Variants in GOLPH3 observed in about 807,000 individuals in gnomAD.
The protein encoded by GOLPH3 is coat protein GPP34.
In GOLPH3, 14 loss-of-function variants were observed where a neutral mutation model predicts 28.5. That is an observed-to-expected ratio of 0.49 (90% CI 0.32 to 0.77). The LOEUF is 0.77. Ranked by LOEUF, GOLPH3 falls within the 30% of genes least tolerant of loss-of-function variation. The pLI is 0.03. For missense variants in GOLPH3, 350 were observed against 393.7 expected (o/e 0.89, Z 0.94); for synonymous variants, 158 against 159.2 (o/e 0.99, Z 0.06).
chr5:32,145,919 G>A (rs2111861215), intron 1 of GOLPH3, among the ~76,000 whole-genome samples: 1 of 152,230 alleles, frequency 6.6e-6, no homozygotes, highest in East Asian at 1.9e-4. Context: ...AGCCAACAAA[G>A]ACACACCAAA....
chr5:32,151,029 C>G (rs1746293139), intron 1 of GOLPH3, among the ~76,000 whole-genome samples: 1 of 151,930 alleles, frequency 6.6e-6, no homozygotes, highest in African/African-American at 2.4e-5. Flanking sequence ...TACTAGAAGA[C>G]AAAATAAGAG....
chr5:32,135,200 T>A (rs1284449728), intron 3 of GOLPH3, among the ~76,000 whole-genome samples: 5 of 152,184 alleles, frequency 3.3e-5, no homozygotes, highest in African/African-American at 1.2e-4. Context: ...AGAGTGAGGA[T>A]GAGGTAGCCT....
At chr5:32,127,137 G>A (rs1323991001) in intron 3 of GOLPH3, among the ~76,000 whole-genome samples, 1 of 152,124 alleles carries the variant, frequency 6.6e-6, no homozygotes, top group Non-Finnish European at 1.5e-5. Context: ...GCTAATTCTG[G>A]AAGGATACAA....
At chr5:32,170,518 T>C (rs1285877776) in intron 1 of GOLPH3, among the ~76,000 whole-genome samples, 1 of 152,224 alleles carries the variant, frequency 6.6e-6, no homozygotes, top group Non-Finnish European at 1.5e-5. Context: ...TGAGTTAGCA[T>C]AAACGCCTGG....
intron 1 of GOLPH3, among the ~76,000 whole-genome samples, chr5:32,157,999 AAATAAATAAAT>A (rs1746469901): frequency 1.0e-5 from 1 of 97,970 alleles, no homozygotes; most frequent in African/African-American, 4.2e-5. Context: ...ATAAATAAAT[AAATAAATAAAT>A]AAATAAATAA....
chr5:32,173,853 G>A lies in GOLPH3; in HGVS notation c.182C>T (p.Thr61Ile), dbSNP rs1025210577. The change falls in exon 1 of 4, where the codon ACC becomes ATC. Residue 61 changes from threonine (T) to isoleucine (I), a missense_variant. Thr to Ile is a moderately conservative substitution (Grantham distance 89). Coordinates refer to ENST00000265070, the MANE Select transcript of GOLPH3 (RefSeq NM_022130.4). ...DKGDSKETRLTLMEEVLLLGL... is the reference protein window; with the variant it reads ...DKGDSKETRLILMEEVLLLGL... ...CAGCAGGAGCACTTCCTCCATCAGG[G>A]TCAGCCGCGTTTCCTTGGAGTCGCC... is the stretch of plus-strand genomic sequence containing the variant. 3 of 1,523,936 alleles carry A rather than the reference G, an allele frequency of 2.0e-6. No individual in the cohort carries two copies. The highest frequency in any genetic ancestry group is 5.5e-5 in the East Asian group (2 of 36,672). The allele number at this position is 1,523,936 out of a possible 1,614,324, so 94.4% of individuals were successfully genotyped here. A position where few individuals can be genotyped will look rare whatever the true frequency, so the allele number is the denominator to read the frequency against.
intron 2 of GOLPH3, among the ~76,000 whole-genome samples, chr5:32,142,445 C>T (rs1405712231): frequency 2.0e-5 from 3 of 150,194 alleles, no homozygotes; most frequent in Non-Finnish European, 4.5e-5. Flanking sequence ...CGTCTCCGCC[C>T]GGCAGCCACC....
At chr5:32,156,399 A>G (rs575711449) in intron 1 of GOLPH3, among the ~76,000 whole-genome samples, 3 of 152,096 alleles carry the variant, frequency 2.0e-5, no homozygotes, top group African/African-American at 7.2e-5. Context: ...GCTACTTGGG[A>G]GGCTGAGGCA....
At chr5:32,147,770 C>T (rs1307957293) in intron 1 of GOLPH3, among the ~76,000 whole-genome samples, 2 of 152,218 alleles carry the variant, frequency 1.3e-5, no homozygotes, top group East Asian at 1.9e-4. Context: ...GAACTAAAAA[C>T]TCTCCATGAA....
intron 1 of GOLPH3, among the ~76,000 whole-genome samples, chr5:32,153,365 T>C (rs1462974827): frequency 6.7e-6 from 1 of 148,716 alleles, no homozygotes; most frequent in African/African-American, 2.5e-5. Context: ...AGAAGAAAGA[T>C]GGAAATGAGA....
At chr5:32,138,797 C>T (rs544135132) in intron 2 of GOLPH3, among the ~76,000 whole-genome samples, 7 of 152,118 alleles carry the variant, frequency 4.6e-5, no homozygotes, top group Non-Finnish European at 1.0e-4. Context: ...TAGTAGCTAC[C>T]ATATTGAACA....
At chr5:32,158,203 C>T (rs1746498796) in intron 1 of GOLPH3, among the ~76,000 whole-genome samples, 1 of 151,204 alleles carries the variant, frequency 6.6e-6, no homozygotes, top group South Asian at 2.1e-4. Context: ...ACTCAGAGCT[C>T]TTACCACTCT....
chr5:32,139,946 C>T (rs1746019631), intron 2 of GOLPH3, among the ~76,000 whole-genome samples: 1 of 152,094 alleles, frequency 6.6e-6, no homozygotes, highest in Non-Finnish European at 1.5e-5. Context: ...ACAATAAAAT[C>T]TCAACAGAAA....
At chr5:32,129,675 G>C (rs1324732570) in intron 3 of GOLPH3, among the ~76,000 whole-genome samples, 1 of 151,964 alleles carries the variant, frequency 6.6e-6, no homozygotes, top group Non-Finnish European at 1.5e-5. Flanking sequence ...GAAAGTTATA[G>C]AAAAAAAGAA....
intron 1 of GOLPH3, among the ~76,000 whole-genome samples, chr5:32,167,961 A>G (rs1409484574): frequency 1.3e-5 from 2 of 152,176 alleles, no homozygotes; most frequent in Admixed American, 1.3e-4. Flanking sequence ...CTCAAAAGAA[A>G]AAAAGTACAA....
At chr5:32,158,332 CTT>C (rs1212606317) in intron 1 of GOLPH3, among the ~76,000 whole-genome samples, 2 of 152,138 alleles carry the variant, frequency 1.3e-5, no homozygotes, top group African/African-American at 4.8e-5. Context: ...CATACCCACT[CTT>C]TTGTCTCGTT....
At chr5:32,140,412 T>C (rs185927852) in intron 2 of GOLPH3, among the ~76,000 whole-genome samples, 7 of 152,082 alleles carry the variant, frequency 4.6e-5, no homozygotes, top group African/African-American at 1.7e-4. Flanking sequence ...TCCCAGCACT[T>C]TGGGAGGCAG....
chr5:32,155,578 A>T (rs575606499), intron 1 of GOLPH3, among the ~76,000 whole-genome samples: 2 of 152,216 alleles, frequency 1.3e-5, no homozygotes, highest in African/African-American at 4.8e-5. Flanking sequence ...TCAAATGACT[A>T]AAGAAAGCCC....
At position 32,126,237 on chromosome 5, in the gene GOLPH3, G is replaced by A. The variant is rs1295953441; in HGVS notation, c.872C>T (p.Ala291Val). 3 of 1,611,118 alleles carry A rather than the reference G, an allele frequency of 1.9e-6. No homozygotes were observed. Among genetic ancestry groups the A allele is most frequent in the Non-Finnish European group, 2.5e-6 (3 of 1,177,416 alleles). Residue 291 changes from alanine to valine, a missense_variant, in exon 4 of 4, where the codon GCG becomes GTG. By Grantham distance (64) the Ala-to-Val change is moderately conservative. Transcript: ENST00000265070. Reference protein sequence around the residue: ...LKANTNEVLWAVVAAFTK With the variant: ...LKANTNEVLWVVVAAFTK ...TTACTTGGTGAACGCCGCCACCACC[G>A]CCCACAGAACCTCATTGGTGTTGGC...
Sources: gnomAD v4.1 joint callset for allele counts (sites outside exome capture counted in the v4.1 genomes callset) on GRCh38, gnomAD v4.1.1 for gene constraint, MANE v1.5 for transcripts, NCBI Gene and HGNC (gene_info 2026-07-23, HGNC 2026-07-21) for gene names.